The following GLP1R variants were observed in gnomAD, a reference collection of about 807,000 sequenced individuals.
GLP1R encodes glucagon like peptide 1 receptor, also known as glucagon-like peptide 1 receptor.
A neutral mutation model predicts 68.4 loss-of-function variants in GLP1R; 32 were observed. That is an observed-to-expected ratio of 0.47 (90% CI 0.35 to 0.63). The LOEUF is 0.63. Ranked by LOEUF, GLP1R falls within the 20% of genes least tolerant of loss-of-function variation. GLP1R has a pLI of 0.00. For missense variants in GLP1R, 502 were observed against 594.9 expected (o/e 0.84, Z 1.62); for synonymous variants, 263 against 244.4 (o/e 1.08, Z -0.71).
At chr6:39,053,412 A>G (rs1432355407) in intron 1 of GLP1R, among the ~76,000 whole-genome samples, 1 of 152,198 alleles carries the variant, frequency 6.6e-6, no homozygotes, top group African/African-American at 2.4e-5. Flanking sequence ...AAGCAGAATG[A>G]TTGGTCATTG....
chr6:39,076,899 G>A (rs944497477), intron 7 of GLP1R, among the ~76,000 whole-genome samples: 5 of 152,142 alleles, frequency 3.3e-5, no homozygotes, highest in African/African-American at 1.2e-4. Flanking sequence ...CATATGTCAT[G>A]TGAGGAAGGA....
chr6:39,073,530 C>A, intron 6 of GLP1R, 80 bp from the exon 7 acceptor site: 1 of 1,238,018 alleles, frequency 8.1e-7, no homozygotes, highest in Non-Finnish European at 1.2e-6. Context: ...AGGATAGTGG[C>A]TGGAGCAGGA....
At chr6:39,064,157 C>T (rs1180794573) in intron 3 of GLP1R, among the ~76,000 whole-genome samples, 1 of 151,716 alleles carries the variant, frequency 6.6e-6, no homozygotes, top group South Asian at 2.1e-4. Flanking sequence ...GCGCACGCCA[C>T]CATGCCTGGC....
At chr6:39,062,866 G>T (rs1448047340) in intron 3 of GLP1R, among the ~76,000 whole-genome samples, 4 of 152,196 alleles carry the variant, frequency 2.6e-5, no homozygotes. Context: ...TACCTTGAAA[G>T]GTGGTTCTAA....
intron 1 of GLP1R, among the ~76,000 whole-genome samples, chr6:39,055,472 G>A (rs1276340235): frequency 6.6e-6 from 1 of 152,208 alleles, no homozygotes; most frequent in Admixed American, 6.5e-5. Flanking sequence ...AGAAGGAATG[G>A]TGGATTCTCA....
intron 12 of GLP1R, among the ~76,000 whole-genome samples, chr6:39,083,306 A>T (rs1183610895): frequency 6.6e-6 from 1 of 152,244 alleles, no homozygotes; most frequent in African/African-American, 2.4e-5. Flanking sequence ...GCACAAGGAC[A>T]GATACATCAT....
intron 1 of GLP1R, among the ~76,000 whole-genome samples, chr6:39,051,878 G>A (rs1299153741): frequency 2.8e-5 from 4 of 145,238 alleles, no homozygotes; most frequent in African/African-American, 5.4e-5. Context: ...TCTGTGGGAG[G>A]GTCTGTGTGT....
chr6:39,077,912 G>A (rs1768874388), intron 7 of GLP1R, among the ~76,000 whole-genome samples: 1 of 152,180 alleles, frequency 6.6e-6, no homozygotes, highest in African/African-American at 2.4e-5. Flanking sequence ...TGGCAACGTG[G>A]GCTGAAGCAA....
At chr6:39,053,954 T>C (rs1369840815) in intron 1 of GLP1R, among the ~76,000 whole-genome samples, 10 of 152,142 alleles carry the variant, frequency 6.6e-5, no homozygotes. Context: ...TCCGGAGCAC[T>C]GATGTCCCCA....
intron 1 of GLP1R, among the ~76,000 whole-genome samples, chr6:39,052,727 A>G (rs563446945): frequency 2.6e-5 from 4 of 152,262 alleles, no homozygotes; most frequent in South Asian, 4.1e-4. Flanking sequence ...AGAAGTCACA[A>G]AGATTTTCAC....
chr6:39,048,871 G>GC lies in GLP1R; in HGVS notation c.32dup (p.Leu12AlafsTer41). The stretch of plus-strand genomic sequence containing the variant: ...CGGCGCCCCCGGCCCGCTGCGCCTT[G>GC]CGCTGCTGCTGCTCGGGATGGTGGG... On this transcript the variant is annotated frameshift_variant, in exon 1 of 13. Coordinates refer to ENST00000373256, the MANE Select transcript of GLP1R (RefSeq NM_002062.5). LOFTEE classifies it high-confidence loss of function. 6.7e-7 allele frequency: 1 copy of GC among 1,501,564 alleles called. No homozygotes were observed. Among genetic ancestry groups the GC allele is most frequent in the Non-Finnish European group, 8.8e-7 (1 of 1,132,830 alleles). The allele number at this position is 1,501,564 out of a possible 1,614,324, so 93.0% of individuals were successfully genotyped here. A position where few individuals can be genotyped will look rare whatever the true frequency, so the allele number is the denominator to read the frequency against.
intron 12 of GLP1R, among the ~76,000 whole-genome samples, chr6:39,084,615 G>A (rs1255230008): frequency 5.3e-5 from 8 of 152,178 alleles, no homozygotes; most frequent in African/African-American, 1.7e-4. Flanking sequence ...AGACTCAGCC[G>A]GGCAGGGAGC....
In GLP1R at chr6:39,086,407, C is replaced by T. The variant is rs904223861; in HGVS notation, c.*334C>T. 3 of 230,016 alleles carry T rather than the reference C, an allele frequency of 1.3e-5. No individual in the cohort carries two copies. The highest frequency in any genetic ancestry group is 8.5e-6 in the Non-Finnish European group (1 of 117,842). The allele number at this position is 230,016 out of a possible 1,614,324, so 14.2% of individuals were successfully genotyped here. The stretch of plus-strand genomic sequence containing the variant: ...CCCTTGGGGTTCCCCCAGACAGAGC[C>T]GCAAATCAACCCCAGACTCAAACTC... On this transcript the variant is annotated 3_prime_UTR_variant, in exon 13 of 13. Transcript: ENST00000373256. This position sits in a 1 kb window ranked among gnomAD's most constrained non-coding sequence, Gnocchi z 4.5.
intron 1 of GLP1R, among the ~76,000 whole-genome samples, chr6:39,055,186 C>T (rs1768183793): frequency 6.6e-6 from 1 of 152,190 alleles, no homozygotes; most frequent in South Asian, 2.1e-4. Flanking sequence ...GAGACTGGAT[C>T]CAGCATGTGC....
chr6:39,066,823 G>A (rs1404073599), intron 5 of GLP1R, among the ~76,000 whole-genome samples: 1 of 152,082 alleles, frequency 6.6e-6, no homozygotes, highest in East Asian at 1.9e-4. Flanking sequence ...ACTTGGAGAA[G>A]GGGGGCCAGG....
chr6:39,048,893 T>G lies in GLP1R; in HGVS notation c.53T>G (p.Val18Gly). The change falls in exon 1 of 13, where the codon GTG becomes GGG. Residue 18 changes from valine to glycine, a missense_variant. Physicochemically the swap from Val to Gly is moderately radical, Grantham distance 109 (BLOSUM62 -3). Transcript: ENST00000373256. ...LRLALLLLGMVGRAGPRPQGA... is the reference protein window; with the variant it reads ...LRLALLLLGMGGRAGPRPQGA... ...CTTGCGCTGCTGCTGCTCGGGATGG[T>G]GGGCAGGGCCGGCCCCCGCCCCCAG... 1 of 1,459,230 alleles carries G rather than the reference T, an allele frequency of 6.9e-7. No homozygotes were observed. The highest frequency in any genetic ancestry group is 9.0e-7 in the Non-Finnish European group (1 of 1,111,206). The allele number at this position is 1,459,230 out of a possible 1,614,324, so 90.4% of individuals were successfully genotyped here. A position where few individuals can be genotyped will look rare whatever the true frequency, so the allele number is the denominator to read the frequency against.
At position 39,086,813 on chromosome 6, in the gene GLP1R, C is replaced by G. The variant is rs10305516; in HGVS notation, c.*740C>G. 0.081 allele frequency: 12,438 copies of G among 152,640 alleles called. 905 individuals are homozygous for G. The highest frequency in any genetic ancestry group is 0.38 in the East Asian group (1,953 of 5,164). 9.5% of individuals were successfully genotyped at this position (152,640 alleles called of 1,614,324 possible). A position where few individuals can be genotyped will look rare whatever the true frequency, so the allele number is the denominator to read the frequency against. ...CTCTGCCATGCCCAGAGAATCAGGG[C>G]AGGCTTGCCACCGGGGAACCCAGCC... On this transcript the variant is annotated 3_prime_UTR_variant, in exon 13 of 13. Transcript: ENST00000373256. This position sits in a 1 kb window ranked among gnomAD's most constrained non-coding sequence, Gnocchi z 4.5.
Position 39,089,280 on chromosome 6 carries a change from T to G in GLP1R, c.*3207T>G, listed in dbSNP as rs1769220248. On this transcript the variant is annotated 3_prime_UTR_variant, in exon 13 of 13. Coordinates refer to ENST00000373256, the MANE Select transcript of GLP1R (RefSeq NM_002062.5). This position sits in a 1 kb window ranked among gnomAD's most constrained non-coding sequence, Gnocchi z 4.1. Reference sequence around the variant, plus strand: ...TCCAGCACTCTTTTAATGGATTGGCTTAATTTTTTTTTCTGATGCCTCTCT... The same window carrying G: ...TCCAGCACTCTTTTAATGGATTGGCGTAATTTTTTTTTCTGATGCCTCTCT... 6.6e-6 allele frequency among the ~76,000 whole-genome samples: 1 copy of G among 152,192 alleles called. No individual in the cohort carries two copies. The highest frequency in any genetic ancestry group is 6.5e-5 in the Admixed American group (1 of 15,286).
rs1290866802 is a variant in GLP1R at position 39,087,068 on chromosome 6, A to G, written c.*995A>G. 6.6e-6 allele frequency: 1 copy of G among 152,196 alleles called. No homozygotes were observed. The highest frequency in any genetic ancestry group is 1.5e-5 in the Non-Finnish European group (1 of 68,030). 9.4% of individuals were successfully genotyped at this position (152,196 alleles called of 1,614,324 possible). A position where few individuals can be genotyped will look rare whatever the true frequency, so the allele number is the denominator to read the frequency against. The stretch of plus-strand genomic sequence containing the variant: ...CACTCTCTAGCTTTAGGGGACCATG[A>G]AGAGACTCTCTTAGGGAAACCAATA... On this transcript the variant is annotated 3_prime_UTR_variant, in exon 13 of 13. Transcript: ENST00000373256.
Sources: allele counts gnomAD v4.1 joint callset (sites outside exome capture counted in the v4.1 genomes callset), GRCh38; gene constraint gnomAD v4.1.1; non-coding constraint Gnocchi (gnomAD v3.1); transcripts MANE v1.5; gene names NCBI Gene and HGNC (gene_info 2026-07-23, HGNC 2026-07-21).